GRID1: variants seen among roughly 807,000 people sequenced by gnomAD.
GRID1 encodes glutamate ionotropic receptor delta type subunit 1.
GRID1 carries 28 observed loss-of-function variants against 98.0 expected under a neutral mutation model. The ratio of observed to expected loss-of-function variants is 0.29; its 90% CI spans 0.21 to 0.39. The LOEUF is 0.39. Among genes scored for constraint, GRID1 ranks in the 10% least tolerant of loss-of-function variants. The pLI is 1.00. For missense variants in GRID1, 1,111 were observed against 1,340.5 expected (o/e 0.83, Z 2.67); for synonymous variants, 553 against 538.5 (o/e 1.03, Z -0.37).
At chr10:85,882,069 T>A (rs890098818) in intron 5 of GRID1, among the ~76,000 whole-genome samples, 1 of 152,114 alleles carries the variant, frequency 6.6e-6, no homozygotes, top group Non-Finnish European at 1.5e-5. Flanking sequence ...AAAACCACAA[T>A]GAGATACCAT....
At chr10:85,895,284 T>C (rs1377702902) in intron 5 of GRID1, among the ~76,000 whole-genome samples, 2 of 151,900 alleles carry the variant, frequency 1.3e-5, no homozygotes, top group Non-Finnish European at 2.9e-5. Flanking sequence ...TTTTTTCCTT[T>C]TTCCTACCCC....
intron 4 of GRID1, among the ~76,000 whole-genome samples, chr10:86,034,913 GA>G (rs1843235804): frequency 1.3e-5 from 2 of 149,938 alleles, no homozygotes; most frequent in Admixed American, 6.6e-5. Flanking sequence ...TGGATGGATG[GA>G]TGGATGGATG....
At chr10:86,109,971 C>CTTT (rs56917207) in intron 4 of GRID1, among the ~76,000 whole-genome samples, 1 of 121,032 alleles carries the variant, frequency 8.3e-6, no homozygotes, top group African/African-American at 3.1e-5. Context: ...CTCTGCCATT[C>CTTT]TTTTTTTTTT....
chr10:86,039,741 G>C (rs1156907518), intron 4 of GRID1, among the ~76,000 whole-genome samples: 1 of 152,168 alleles, frequency 6.6e-6, no homozygotes, highest in Non-Finnish European at 1.5e-5. Flanking sequence ...GCATTTGTCG[G>C]GAAATAGTGG....
intron 8 of GRID1, among the ~76,000 whole-genome samples, chr10:85,752,070 T>C (rs1174512926): frequency 2.6e-5 from 4 of 152,198 alleles, no homozygotes; most frequent in South Asian, 2.1e-4. Flanking sequence ...AAGCTTGGAA[T>C]AGACAAACTG....
At chr10:85,621,383 G>A (rs1355476786) in intron 13 of GRID1, among the ~76,000 whole-genome samples, 1 of 152,166 alleles carries the variant, frequency 6.6e-6, no homozygotes, top group African/African-American at 2.4e-5. Context: ...CCTTTGTTCA[G>A]TTGAGTCTTC....
chr10:85,803,292 G>GTATCC lies in GRID1; in HGVS notation c.1233+51203_1233+51204insGGATA, dbSNP rs546845637. 9.7e-4 allele frequency among the ~76,000 whole-genome samples: 147 copies of GTATCC among 152,178 alleles called. 4 individuals are homozygous for GTATCC. In the South Asian group the frequency reaches 0.013, roughly 14 times the overall value. ...TTGAGAGGATGGATACATTCCCCATGATGTAATTATTTCACAGTGCATGCC... is the reference window on the plus strand; with the variant it reads ...TTGAGAGGATGGATACATTCCCCATGTATCCATGTAATTATTTCACAGTGCATGCC... On this transcript the variant is annotated intron_variant, in intron 8 of 15. Coordinates refer to ENST00000327946, the MANE Select transcript of GRID1 (RefSeq NM_017551.3).
chr10:85,937,006 G>A (rs1294411256), intron 4 of GRID1, among the ~76,000 whole-genome samples: 2 of 152,166 alleles, frequency 1.3e-5, no homozygotes, highest in Admixed American at 1.3e-4. Flanking sequence ...CCGACCTGGA[G>A]AGCAGCTTCT....
chr10:85,714,604 A>G (rs562731722), intron 12 of GRID1, among the ~76,000 whole-genome samples: 1 of 152,158 alleles, frequency 6.6e-6, no homozygotes, highest in East Asian at 1.9e-4. Flanking sequence ...ACTAACAACA[A>G]CGTATTTGCA....
intron 8 of GRID1, among the ~76,000 whole-genome samples, chr10:85,733,879 G>T (rs1284823104): frequency 6.6e-6 from 1 of 152,144 alleles, no homozygotes; most frequent in Non-Finnish European, 1.5e-5. Flanking sequence ...TTACATATAG[G>T]TGATGGAATT....
intron 12 of GRID1, among the ~76,000 whole-genome samples, chr10:85,712,250 T>G (rs1179978728): frequency 6.6e-6 from 1 of 151,784 alleles, no homozygotes; most frequent in African/African-American, 2.4e-5. Flanking sequence ...TCCAACTATA[T>G]GCTCTGTACA....
At chr10:86,060,623 G>A (rs561416766) in intron 4 of GRID1, among the ~76,000 whole-genome samples, 5 of 152,206 alleles carry the variant, frequency 3.3e-5, no homozygotes, top group Non-Finnish European at 7.4e-5. Context: ...GTGTCCCCGG[G>A]TGTCGGATGC....
intron 3 of GRID1, among the ~76,000 whole-genome samples, chr10:86,162,868 T>C (rs1013502058): frequency 3.9e-5 from 6 of 152,136 alleles, no homozygotes. Flanking sequence ...AACAGAGTCC[T>C]GGGGTTGCAG....
chr10:85,783,826 A>C (rs1842401980), intron 8 of GRID1, among the ~76,000 whole-genome samples: 3 of 152,216 alleles, frequency 2.0e-5, no homozygotes, highest in Admixed American at 6.5e-5. Flanking sequence ...TTGTCACCAG[A>C]AGCTTACTTG....
intron 4 of GRID1, among the ~76,000 whole-genome samples, chr10:85,925,763 C>T (rs1443194495): frequency 2.6e-5 from 4 of 152,156 alleles, no homozygotes; most frequent in East Asian, 3.9e-4. Flanking sequence ...AGCTCCTGAC[C>T]CAGAGCGGGT....
intron 4 of GRID1, among the ~76,000 whole-genome samples, chr10:86,106,583 A>C (rs1045882127): frequency 1.3e-5 from 2 of 152,130 alleles, no homozygotes; most frequent in Admixed American, 1.3e-4. Flanking sequence ...AGCCTGCTTC[A>C]GGTGCGGGGA....
chr10:86,035,132 C>T (rs1361417189), intron 4 of GRID1, among the ~76,000 whole-genome samples: 2 of 152,162 alleles, frequency 1.3e-5, no homozygotes, highest in African/African-American at 4.8e-5. Flanking sequence ...TGTCTATAAC[C>T]ACCCTCTCAC....
At chr10:85,963,257 G>T (rs572367596) in intron 4 of GRID1, among the ~76,000 whole-genome samples, 1 of 151,896 alleles carries the variant, frequency 6.6e-6, no homozygotes, top group Non-Finnish European at 1.5e-5. Context: ...TTGGGTTTCG[G>T]GTCCCATGGA....
chr10:85,888,752 T>C (rs1841153026), intron 5 of GRID1, among the ~76,000 whole-genome samples: 1 of 152,212 alleles, frequency 6.6e-6, no homozygotes, highest in South Asian at 2.1e-4. Flanking sequence ...CCTTTTGTTT[T>C]TACTATTTCC....
Sources: gnomAD v4.1 joint callset for allele counts (sites outside exome capture counted in the v4.1 genomes callset) on GRCh38, gnomAD v4.1.1 for gene constraint, MANE v1.5 for transcripts, NCBI Gene and HGNC (gene_info 2026-07-23, HGNC 2026-07-21) for gene names.